Variants in ARFGEF2 observed in about 807,000 individuals in gnomAD.
ARFGEF2 encodes the protein brefeldin A-inhibited guanine nucleotide-exchange protein 2.
In ARFGEF2, 74 loss-of-function variants were observed where a neutral mutation model predicts 219.9. The observed-to-expected ratio is 0.34, with a 90% confidence interval of 0.28 to 0.41. The LOEUF (loss-of-function observed/expected upper bound fraction) is 0.41, where lower values mean the gene tolerates loss of function less well. Among genes scored for constraint, ARFGEF2 ranks in the 10% least tolerant of loss-of-function variants. ARFGEF2 has a pLI of 1.00. For synonymous variants in ARFGEF2, 733 were observed against 799.2 expected, an observed-to-expected ratio of 0.92 and a Z score of 1.40; for missense variants, 1,743 against 2,218.3, an observed-to-expected ratio of 0.79 and a Z score of 4.30.
In ARFGEF2 at chr20:48,976,996, A is replaced by C. The variant is rs182757913; in HGVS notation, c.1958+797A>C. Among the ~76,000 whole-genome samples, 282 of 148,474 alleles carry C rather than the reference A, an allele frequency of 1.9e-3. 1 individual carries two copies. Among genetic ancestry groups the C allele is most frequent in the African/African-American group, 6.8e-3 (269 of 39,640 alleles). ...ATTTTATTTTATGTTGTTTTCTTATACTTTAAGTTCTAGGGTACGTGTGCA... is the reference window on the plus strand; with the variant it reads ...ATTTTATTTTATGTTGTTTTCTTATCCTTTAAGTTCTAGGGTACGTGTGCA... On this transcript the variant is annotated intron_variant, in intron 14 of 38. Coordinates refer to ENST00000371917, the MANE Select transcript of ARFGEF2 (RefSeq NM_006420.3).
intron 3 of ARFGEF2, among the ~76,000 whole-genome samples, chr20:48,946,438 A>G (rs1468724187): frequency 6.6e-6 from 1 of 151,826 alleles, no homozygotes; most frequent in Non-Finnish European, 1.5e-5. Flanking sequence ...TGTCTAAGCT[A>G]CTAAGTAGTC....
At chr20:49,001,359 C>T (rs535285949) in intron 25 of ARFGEF2, among the ~76,000 whole-genome samples, 1 of 152,238 alleles carries the variant, frequency 6.6e-6, no homozygotes, top group South Asian at 2.1e-4. Flanking sequence ...GGACTCTTAA[C>T]TTTTTCCACC....
chr20:48,956,308 C>G lies in ARFGEF2; in HGVS notation c.838+2518C>G, dbSNP rs571146524. On this transcript the variant is annotated intron_variant, in intron 6 of 38. Transcript: ENST00000371917. ...CAATTTAATTAACTGGGAATCCCCC[C>G]CACAGCCTTCCTAGGATAATTTGCC... Among the ~76,000 whole-genome samples the G allele has an allele frequency of 2.6e-5, 4 of 152,300 alleles. No individual in the cohort carries two copies. The South Asian group carries it at 8.3e-4, about 32-fold the overall frequency.
chr20:48,961,835 A>T (rs1378634301), intron 6 of ARFGEF2, among the ~76,000 whole-genome samples: 1 of 139,594 alleles, frequency 7.2e-6, no homozygotes, highest in Non-Finnish European at 1.6e-5. Flanking sequence ...CTGCACTCCA[A>T]CCTGGGCAAC....
rs2091654597 is a variant in ARFGEF2 at position 49,034,354 on chromosome 20, T to C, written c.*1155T>C. 1 of 152,272 alleles carries C rather than the reference T, an allele frequency of 6.6e-6. No individual in the cohort carries two copies. The highest frequency in any genetic ancestry group is 6.5e-5 in the Admixed American group (1 of 15,288). The allele number at this position is 152,272 out of a possible 1,614,324, so 9.4% of individuals were successfully genotyped here. On this transcript the variant is annotated 3_prime_UTR_variant, in exon 39 of 39. Coordinates refer to ENST00000371917, the MANE Select transcript of ARFGEF2 (RefSeq NM_006420.3). Reference sequence around the variant, plus strand: ...ATCTGAGCCTAGGAGTTGAATTCTTTGGCAAGGTTGGATTCTGAGGTCCTT... The same window carrying C: ...ATCTGAGCCTAGGAGTTGAATTCTTCGGCAAGGTTGGATTCTGAGGTCCTT...
chr20:48,960,566 C>T (rs2091141433), intron 6 of ARFGEF2, among the ~76,000 whole-genome samples: 1 of 151,886 alleles, frequency 6.6e-6, no homozygotes, highest in Non-Finnish European at 1.5e-5. Flanking sequence ...TCACTGCAAC[C>T]TCCACCTCCC....
At chr20:48,964,070 T>A (rs1280902504) in intron 7 of ARFGEF2, among the ~76,000 whole-genome samples, 172 bp downstream of exon 7, 1 of 152,172 alleles carries the variant, frequency 6.6e-6, no homozygotes, top group East Asian at 1.9e-4. Context: ...CAAAAATGAC[T>A]TGTTTTTACT....
intron 6 of ARFGEF2, among the ~76,000 whole-genome samples, chr20:48,955,197 C>T (rs6066927): frequency 0.042 from 6,416 of 152,152 alleles, 179 homozygotes; most frequent in Non-Finnish European, 0.066. Context: ...TTTTTTGCTA[C>T]ACAGTGCACA....
At chr20:49,007,064 C>A (rs6019577) in intron 26 of ARFGEF2, among the ~76,000 whole-genome samples, 1 of 152,108 alleles carries the variant, frequency 6.6e-6, no homozygotes, top group South Asian at 2.1e-4. Flanking sequence ...AAAATGAGGA[C>A]CATTAGGATG....
At chr20:48,931,009 A>G (rs1440401500) in intron 1 of ARFGEF2, among the ~76,000 whole-genome samples, 3 of 152,342 alleles carry the variant, frequency 2.0e-5, no homozygotes, top group Admixed American at 2.0e-4. Context: ...GAAATGCTAC[A>G]GAGAGGTCAA....
At chr20:48,934,231 C>CT (rs2090932597) in intron 1 of ARFGEF2, among the ~76,000 whole-genome samples, 1 of 151,558 alleles carries the variant, frequency 6.6e-6, no homozygotes, top group African/African-American at 2.4e-5. Context: ...CCAGCTCTGT[C>CT]TCACACCTGT....
At chr20:48,964,886 C>T (rs2091178173) in intron 7 of ARFGEF2, among the ~76,000 whole-genome samples, 2 of 152,128 alleles carry the variant, frequency 1.3e-5, no homozygotes, top group Admixed American at 6.6e-5. Flanking sequence ...AATGATCTGA[C>T]TGTATCACAT....
At position 49,017,292 on chromosome 20, in the gene ARFGEF2, C is replaced by G. The variant is rs2091536324; in HGVS notation, c.4359C>G (p.Asn1453Lys). Residue 1453 changes from asparagine (N) to lysine (K), a missense_variant, in exon 32 of 39, where the codon AAC becomes AAG. By Grantham distance (94) the Asn-to-Lys change is moderately conservative (BLOSUM62 0). Coordinates refer to ENST00000371917, the MANE Select transcript of ARFGEF2 (RefSeq NM_006420.3). ...GATCAGGTACAAATTGCTTAGAAAA[C>G]TTAGTAATATCCAATGGAGAGAAAT... ...LARSGTNCLE[N>K]LVISNGEKFS... 1 of 1,613,990 alleles carries G rather than the reference C, an allele frequency of 6.2e-7. No homozygotes were observed. Among genetic ancestry groups the G allele is most frequent in the Non-Finnish European group, 8.5e-7 (1 of 1,179,956 alleles).
intron 3 of ARFGEF2, among the ~76,000 whole-genome samples, chr20:48,949,740 G>A (rs2091053059): frequency 6.6e-6 from 1 of 152,082 alleles, no homozygotes; most frequent in African/African-American, 2.4e-5. Context: ...CCACAGTGGT[G>A]GCTGCTCTAT....
At chr20:48,985,699 G>T (rs1444621452) in intron 16 of ARFGEF2, 86 bp downstream of exon 16, 1 of 1,385,568 alleles carries the variant, frequency 7.2e-7, no homozygotes, top group South Asian at 1.2e-5. Context: ...TTTAATCTTT[G>T]TATATCTGTG....
chr20:49,009,707 G>A (rs973596679), intron 26 of ARFGEF2, among the ~76,000 whole-genome samples: 1 of 152,100 alleles, frequency 6.6e-6, no homozygotes. Flanking sequence ...AACTATATAT[G>A]TATACTCCAA....
intron 6 of ARFGEF2, among the ~76,000 whole-genome samples, chr20:48,961,012 G>A (rs952076236): frequency 2.0e-5 from 3 of 150,510 alleles, no homozygotes; most frequent in African/African-American, 7.3e-5. Flanking sequence ...CCCGGGAGGC[G>A]GAGGTTGCAG....
rs545723706 is a variant in ARFGEF2 at position 48,941,586 on chromosome 20, A to G, written c.153-278A>G. On this transcript the variant is annotated intron_variant, in intron 2 of 38. Coordinates refer to ENST00000371917, the MANE Select transcript of ARFGEF2 (RefSeq NM_006420.3). ...TTACTCCTGATCTTCATAGTAAGGA[A>G]GGCCGTTAGTCACGTTTCAGAGATA... is the stretch of plus-strand genomic sequence containing the variant. Among the ~76,000 whole-genome samples, 3 of 152,334 alleles carry G rather than the reference A, an allele frequency of 2.0e-5. No homozygotes were observed. The South Asian group carries it at 6.2e-4, about 32-fold the overall frequency.
chr20:48,932,362 G>A (rs2090918466), intron 1 of ARFGEF2, among the ~76,000 whole-genome samples: 1 of 152,176 alleles, frequency 6.6e-6, no homozygotes, highest in South Asian at 2.1e-4. Flanking sequence ...TTGGGCCATT[G>A]AGGGTGGAGA....
Sources: allele counts gnomAD v4.1 joint callset (sites outside exome capture counted in the v4.1 genomes callset), GRCh38; gene constraint gnomAD v4.1.1; transcripts MANE v1.5; gene names NCBI Gene and HGNC (gene_info 2026-07-23, HGNC 2026-07-21).